Variants in PPFIA4 observed in about 807,000 individuals in gnomAD.
PPFIA4 encodes PPFI scaffold protein A4, also known as liprin-alpha-4.
PPFIA4 carries 98 observed loss-of-function variants against 145.7 expected under a neutral mutation model. The observed-to-expected ratio is 0.67, with a 90% CI of 0.57 to 0.80. The LOEUF (loss-of-function observed/expected upper bound fraction) is 0.80, where lower values mean the gene tolerates loss of function less well. Among genes scored for constraint, PPFIA4 ranks in the 30% least tolerant of loss-of-function variants. The pLI, the probability that PPFIA4 is intolerant of heterozygous loss-of-function variation, is 0.00. For synonymous variants in PPFIA4, 628 were observed against 649.6 expected (o/e 0.97, Z 0.51); for missense variants, 1,457 against 1,632.7 (o/e 0.89, Z 1.85).
intron 14 of PPFIA4, among the ~76,000 whole-genome samples, chr1:203,052,443 T>C (rs913263802): frequency 3.9e-5 from 6 of 152,126 alleles, no homozygotes; most frequent in Admixed American, 3.9e-4. Context: ...TGCTCTGTCC[T>C]GAATCCAGGT....
chr1:203,044,543 C>T (rs916676380), intron 5 of PPFIA4, 90 bp downstream of exon 5: 10 of 1,446,076 alleles, frequency 6.9e-6, no homozygotes, highest in African/African-American at 4.2e-5. Context: ...TCAGATTTCT[C>T]CCTGCCATGG....
At position 203,075,694 on chromosome 1, in the gene PPFIA4, C is replaced by T. The variant is rs1662481180; in HGVS notation, c.3511C>T (p.Arg1171Cys). 3 of 1,485,752 alleles carry T rather than the reference C, an allele frequency of 2.0e-6. No homozygotes were observed. The highest frequency in any genetic ancestry group is 1.3e-5 in the South Asian group (1 of 75,762). 92.0% of individuals were successfully genotyped at this position (1,485,752 alleles called of 1,614,324 possible). ...ASAETLPAGF[R>C]VSTLGTLQPP... is the part of the protein sequence containing the mutation. ...CGCGGAGACCCTCCCGGCGGGCTTC[C>T]GTGTGTCCACCCTGGGGACCCTGCA... Residue 1171 changes from arginine (R) to cysteine (C), a missense_variant, in exon 29 of 30, where the codon CGT (arginine) becomes TGT (cysteine). Around this residue, in one of 3 missense-constraint regions of PPFIA4, gnomAD observed 146 missense variants for 126.2 expected, o/e 1.16. Transcript: ENST00000295706. The surrounding 1 kb of genome is among the most constrained non-coding windows in gnomAD (Gnocchi z 4.1).
chr1:203,064,776 A>T (rs78350977), intron 25 of PPFIA4, among the ~76,000 whole-genome samples: 1 of 152,216 alleles, frequency 6.6e-6, no homozygotes, highest in Non-Finnish European at 1.5e-5. Context: ...TCCACTCAGG[A>T]TGGGTGGGCC....
At position 203,075,706 on chromosome 1, in the gene PPFIA4, C is replaced by A; in HGVS notation, c.3523C>A (p.Leu1175Met). The change falls in exon 29 of 30, where the codon CTG becomes ATG. Residue 1175 changes from leucine to methionine, a missense_variant. Leu to Met is a conservative substitution (Grantham distance 15, BLOSUM62 2). Transcript: ENST00000295706. The surrounding 1 kb of genome is among the most constrained non-coding windows in gnomAD (Gnocchi z 4.1). ...TLPAGFRVSTLGTLQPPPAPP... is the reference protein window; with the variant it reads ...TLPAGFRVSTMGTLQPPPAPP... ...CCCGGCGGGCTTCCGTGTGTCCACC[C>A]TGGGGACCCTGCAGCCCCCACCGGC... is the stretch of plus-strand genomic sequence containing the variant. 6.9e-7 allele frequency: 1 copy of A among 1,458,082 alleles called. No individual in the cohort carries two copies. The highest frequency in any genetic ancestry group is 9.1e-7 in the Non-Finnish European group (1 of 1,101,166). 90.3% of individuals were successfully genotyped at this position (1,458,082 alleles called of 1,614,324 possible).
At chr1:203,051,552 C>A (rs1249191504) in intron 13 of PPFIA4, 2 of 874,206 alleles carry the variant, frequency 2.3e-6, no homozygotes, top group Non-Finnish European at 3.1e-6. Context: ...CTCTCTGGAA[C>A]TTTCTCCCCT....
chr1:203,071,087 C>G (rs932175223), intron 27 of PPFIA4, among the ~76,000 whole-genome samples: 4 of 151,086 alleles, frequency 2.6e-5, no homozygotes, highest in African/African-American at 9.7e-5. Flanking sequence ...GTAGCTGGGA[C>G]TGTAGGTGTT....
chr1:203,026,831 G>A (rs894989553), intron 1 of PPFIA4, among the ~76,000 whole-genome samples: 4 of 152,228 alleles, frequency 2.6e-5, no homozygotes, highest in African/African-American at 9.6e-5. Context: ...GCCCTTGGGG[G>A]TGAGGATAGG....
rs766312496 is a variant in PPFIA4, at chr1:203,071,668, C to CCT, written c.3325-20_3325-19dup. 3 of 1,581,136 alleles carry CCT rather than the reference C, an allele frequency of 1.9e-6. No individual in the cohort carries two copies. The East Asian group carries it at 6.7e-5, about 35-fold the overall frequency. The stretch of plus-strand genomic sequence containing the variant: ...TTAACTATAGCCCTTCCCACCTTTC[C>CCT]CTCTCCTGCTCTATGGACTGCAGGC... On this transcript the variant is annotated intron_variant, in intron 27 of 29. Transcript: ENST00000295706.
In PPFIA4 at chr1:203,060,544, G is replaced by C. The variant is rs755830658; in HGVS notation, c.2784+127G>C. On this transcript the variant is annotated intron_variant, in intron 22 of 29. Transcript: ENST00000295706. This position sits in a 1 kb window ranked among gnomAD's most constrained non-coding sequence, Gnocchi z 4.8. ...CCCCTTCCTTCCCATCCTCACAAAG[G>C]GCTCTCCCTGGTCTTCAGGAGGATA... The C allele has an allele frequency of 1.0e-6, 1 of 959,756 alleles. No individual in the cohort carries two copies. The highest frequency in any genetic ancestry group is 2.5e-5 in the East Asian group (1 of 40,120). The allele number at this position is 959,756 out of a possible 1,614,324, so 59.5% of individuals were successfully genotyped here.
chr1:203,075,635 A>G lies in PPFIA4; in HGVS notation c.3452A>G (p.Glu1151Gly), dbSNP rs773692414. 14 of 1,493,118 alleles carry G rather than the reference A, an allele frequency of 9.4e-6. No individual in the cohort carries two copies. The highest frequency in any genetic ancestry group is 1.2e-5 in the Non-Finnish European group (14 of 1,120,156). 92.5% of individuals were successfully genotyped at this position (1,493,118 alleles called of 1,614,324 possible). A position where few individuals can be genotyped will look rare whatever the true frequency, so the allele number is the denominator to read the frequency against. The change falls in exon 29 of 30, where the codon GAG becomes GGG. Residue 1151 changes from glutamate (E) to glycine (G), a missense_variant. Around this residue, in one of 3 missense-constraint regions of PPFIA4, gnomAD observed 146 missense variants for 126.2 expected, o/e 1.16. Coordinates refer to ENST00000295706, the MANE Select transcript of PPFIA4 (RefSeq NM_001304331.2). The surrounding 1 kb of genome is among the most constrained non-coding windows in gnomAD (Gnocchi z 4.1). ...PSWRKRFRPR[E>G]HHGRGGMLSA... ...TGGAGGAAGCGCTTCCGGCCGCGGG[A>G]GCACCACGGTCGCGGCGGCATGCTC...
chr1:203,046,512 A>C, intron 9 of PPFIA4, 130 bp downstream of exon 9: 1 of 1,090,104 alleles, frequency 9.2e-7, no homozygotes, highest in Non-Finnish European at 1.3e-6. Flanking sequence ...CCGCCGTGTG[A>C]TTCCAGGGAG....
intron 24 of PPFIA4, chr1:203,062,892 G>A (rs1180078180): frequency 6.6e-6 from 1 of 152,258 alleles, no homozygotes; most frequent in East Asian, 1.9e-4. Context: ...GGCAGTAGGA[G>A]ATGTGTGCTG....
At chr1:203,071,474 T>A (rs542090207) in intron 27 of PPFIA4, among the ~76,000 whole-genome samples, 1 of 110,628 alleles carries the variant, frequency 9.0e-6, no homozygotes, top group Non-Finnish European at 1.9e-5. Flanking sequence ...TATGTTGTTC[T>A]AATTTGCTGT....
At chr1:203,067,843 C>T in intron 26 of PPFIA4, 51 bp downstream of exon 26, 1 of 1,557,128 alleles carries the variant, frequency 6.4e-7, no homozygotes, top group Non-Finnish European at 8.8e-7. Context: ...CTTGGCTGGT[C>T]CCTGCCTTGG....
chr1:203,051,635 T>A (rs928591754), intron 13 of PPFIA4, 134 bp from the exon 14 acceptor site: 1 of 1,448,016 alleles, frequency 6.9e-7, no homozygotes, highest in Non-Finnish European at 9.2e-7. Context: ...TTCAGACATT[T>A]GTGACAGCTC....
rs960628058 is a variant in PPFIA4 at position 203,042,385 on chromosome 1, G to A, written c.235-1012G>A. On this transcript the variant is annotated intron_variant, in intron 2 of 29. Transcript: ENST00000295706. ...GTGATACTTGGTACATGGATATTTG[G>A]TAAAGCCAGGGCAACTGCCTTGGCA... Among the ~76,000 whole-genome samples the A allele has an allele frequency of 5.9e-5, 9 of 152,200 alleles. No individual in the cohort carries two copies. The South Asian group carries it at 1.2e-3, about 21-fold the overall frequency.
intron 27 of PPFIA4, among the ~76,000 whole-genome samples, chr1:203,070,246 GAGA>G (rs1456649749): frequency 2.0e-5 from 3 of 151,968 alleles, no homozygotes; most frequent in Non-Finnish European, 4.4e-5. Flanking sequence ...TAGCTGTTGG[GAGA>G]AGTAGTGTGT....
chr1:203,036,554 G>A (rs1659283460), intron 1 of PPFIA4, among the ~76,000 whole-genome samples: 1 of 152,216 alleles, frequency 6.6e-6, no homozygotes, highest in Non-Finnish European at 1.5e-5. Context: ...TGTGTGGAGG[G>A]GTGGGGGAAG....
At chr1:203,052,435 C>T (rs1660601082) in intron 14 of PPFIA4, among the ~76,000 whole-genome samples, 1 of 152,108 alleles carries the variant, frequency 6.6e-6, no homozygotes, top group South Asian at 2.1e-4. Flanking sequence ...ATTCGTCATG[C>T]TCTGTCCTGA....
Sources: gnomAD v4.1 joint callset for allele counts (sites outside exome capture counted in the v4.1 genomes callset) on GRCh38, gnomAD v4.1.1 for gene constraint, gnomAD v4.1.1 regional missense constraint, Gnocchi (gnomAD v3.1) non-coding constraint, MANE v1.5 for transcripts, NCBI Gene and HGNC (gene_info 2026-07-23, HGNC 2026-07-21) for gene names.